The following SHOC2 variants were observed in gnomAD, a reference collection of about 807,000 sequenced individuals.
The protein encoded by SHOC2 is leucine-rich repeat protein SHOC-2.
Under a neutral mutation model 50.2 loss-of-function variants are expected in SHOC2, and 4 were observed. The observed-to-expected ratio is 0.08, with a 90% CI of 0.04 to 0.18. The LOEUF (loss-of-function observed/expected upper bound fraction) is 0.18, where lower values mean the gene tolerates loss of function less well. Among genes scored for constraint, SHOC2 ranks in the 10% least tolerant of loss-of-function variants. The pLI, the probability that SHOC2 is intolerant of heterozygous loss-of-function variation, is 1.00. For synonymous variants in SHOC2, 218 were observed against 244.5 expected (o/e 0.89, Z 1.01); for missense variants, 388 against 669.6 (o/e 0.58, Z 4.64).
At chr10:110,997,450 G>C (rs1848287873) in intron 3 of SHOC2, among the ~76,000 whole-genome samples, 1 of 152,070 alleles carries the variant, frequency 6.6e-6, no homozygotes, top group Non-Finnish European at 1.5e-5. Context: ...AATTAGTTTT[G>C]ATACATTTTC....
intron 1 of SHOC2, among the ~76,000 whole-genome samples, chr10:110,953,478 T>C (rs544363706): frequency 6.6e-6 from 1 of 152,316 alleles, no homozygotes; most frequent in South Asian, 2.1e-4. Context: ...CTTATTTCAT[T>C]TTAGCGCTGA....
intron 1 of SHOC2, among the ~76,000 whole-genome samples, chr10:110,946,081 G>T (rs1189537838): frequency 1.3e-5 from 2 of 151,872 alleles, no homozygotes; most frequent in Non-Finnish European, 2.9e-5. Context: ...CCCTGAGTAG[G>T]ATTTTTTTAA....
chr10:111,011,661 A>G lies in SHOC2; in HGVS notation c.1592A>G (p.His531Arg), dbSNP rs1848567648. 5.0e-6 allele frequency: 8 copies of G among 1,614,054 alleles called. No individual in the cohort carries two copies. Among genetic ancestry groups the G allele is most frequent in the Admixed American group, 3.3e-5 (2 of 60,004 alleles). The change falls in exon 9 of 9, where the codon CAT becomes CGT. Residue 531 changes from histidine to arginine, a missense_variant. Around this residue, in one of 5 missense-constraint regions of SHOC2, gnomAD observed 130 missense variants for 208.6 expected, o/e 0.62. Coordinates refer to ENST00000369452, the MANE Select transcript of SHOC2 (RefSeq NM_007373.4). ...ELYLNDNPNL[H>R]SLPFELALCS... ...TATTTGAATGACAACCCCAACCTGCATAGCCTTCCCTTTGAGCTGGCACTC... is the reference window on the plus strand; with the variant it reads ...TATTTGAATGACAACCCCAACCTGCGTAGCCTTCCCTTTGAGCTGGCACTC...
rs929676640 is a variant in SHOC2 at position 110,964,146 on chromosome 10, T to G, written c.-213T>G. The G allele has an allele frequency of 3.3e-6, 2 of 614,906 alleles. No individual in the cohort carries two copies. Among genetic ancestry groups the G allele is most frequent in the Non-Finnish European group, 5.5e-6 (2 of 362,578 alleles). 38.1% of individuals were successfully genotyped at this position (614,906 alleles called of 1,614,324 possible). A position where few individuals can be genotyped will look rare whatever the true frequency, so the allele number is the denominator to read the frequency against. Reference sequence around the variant, plus strand: ...TCAGGAACTCTAATGAATCATTGATTGACCAGCACTATTTTACCAGTTGGA... The same window carrying G: ...TCAGGAACTCTAATGAATCATTGATGGACCAGCACTATTTTACCAGTTGGA... On this transcript the variant is annotated 5_prime_UTR_variant, in exon 2 of 9. The change creates a new upstream start codon in the 5' untranslated region. Coordinates refer to ENST00000369452, the MANE Select transcript of SHOC2 (RefSeq NM_007373.4). The surrounding 1 kb of genome is among the most constrained non-coding windows in gnomAD (Gnocchi z 4.9).
At chr10:111,006,535 TAA>T (rs1485954665) in intron 5 of SHOC2, among the ~76,000 whole-genome samples, 2 of 151,896 alleles carry the variant, frequency 1.3e-5, no homozygotes, top group African/African-American at 4.8e-5. Context: ...TACGCCCGGC[TAA>T]TTTTTTGTAT....
chr10:110,924,673 A>AT (rs1364187215), intron 1 of SHOC2, among the ~76,000 whole-genome samples: 1 of 152,154 alleles, frequency 6.6e-6, no homozygotes. Flanking sequence ...AAAGGGAAAA[A>AT]TTTTCACCTA....
intron 3 of SHOC2, among the ~76,000 whole-genome samples, chr10:110,992,730 G>A (rs374133552): frequency 2.0e-5 from 3 of 152,246 alleles, no homozygotes; most frequent in Admixed American, 6.5e-5. Context: ...ACAGTGCAGC[G>A]TATGTATAAC....
intron 2 of SHOC2, among the ~76,000 whole-genome samples, chr10:110,971,700 TG>T (rs990732747): frequency 1.1e-4 from 16 of 152,178 alleles, no homozygotes; most frequent in African/African-American, 3.6e-4. Context: ...TTCCATTTTT[TG>T]GTCCCTTTGA....
chr10:111,010,755 G>A (rs930685420), intron 8 of SHOC2, among the ~76,000 whole-genome samples: 5 of 151,588 alleles, frequency 3.3e-5, no homozygotes, highest in African/African-American at 1.2e-4. Context: ...GTGACTTTAG[G>A]TAAGGTATGT....
intron 4 of SHOC2, among the ~76,000 whole-genome samples, chr10:111,001,983 T>C (rs531925744): frequency 2.5e-4 from 38 of 151,920 alleles, no homozygotes; most frequent in Middle Eastern, 3.4e-3. Context: ...GAGGCAGAGA[T>C]TGCAGTGAGC....
chr10:110,958,204 A>G (rs557150433), intron 1 of SHOC2, among the ~76,000 whole-genome samples: 2 of 145,290 alleles, frequency 1.4e-5, no homozygotes, highest in African/African-American at 5.0e-5. Flanking sequence ...TTTGTCTTCC[A>G]TCCATTTCTT....
At chr10:110,991,432 T>C (rs1848184430) in intron 3 of SHOC2, among the ~76,000 whole-genome samples, 1 of 152,170 alleles carries the variant, frequency 6.6e-6, no homozygotes, top group Admixed American at 6.5e-5. Flanking sequence ...TATTACAAAT[T>C]GGAAATCAAT....
intron 1 of SHOC2, among the ~76,000 whole-genome samples, chr10:110,938,815 C>T (rs992626127): frequency 1.3e-5 from 2 of 152,128 alleles, no homozygotes; most frequent in Non-Finnish European, 2.9e-5. Flanking sequence ...GTGTTGTTAA[C>T]GGTATTCCAG....
intron 1 of SHOC2, among the ~76,000 whole-genome samples, chr10:110,957,532 A>ACCC (rs149911635): frequency 5.4e-5 from 7 of 128,444 alleles, no homozygotes; most frequent in South Asian, 2.6e-4. Context: ...TCATGAAGAT[A>ACCC]CCCCCCCCCC....
intron 1 of SHOC2, among the ~76,000 whole-genome samples, chr10:110,942,276 G>A (rs1847162580): frequency 6.6e-6 from 1 of 152,174 alleles, no homozygotes; most frequent in Non-Finnish European, 1.5e-5. Context: ...GGTGGTGAAT[G>A]CATGCTTTCT....
At chr10:110,932,331 A>G (rs574724048) in intron 1 of SHOC2, among the ~76,000 whole-genome samples, 16 of 152,210 alleles carry the variant, frequency 1.1e-4, no homozygotes, top group Non-Finnish European at 1.9e-4. Flanking sequence ...TTAATTGGAC[A>G]TTAACCTGAT....
intron 4 of SHOC2, among the ~76,000 whole-genome samples, chr10:111,003,735 C>T (rs1813655654): frequency 6.6e-6 from 1 of 152,086 alleles, no homozygotes; most frequent in Admixed American, 6.6e-5. Context: ...GGGAGTGGGG[C>T]CCAAGAGTCT....
intron 1 of SHOC2, among the ~76,000 whole-genome samples, chr10:110,956,067 C>T (rs1021790600): frequency 6.6e-6 from 1 of 152,126 alleles, no homozygotes; most frequent in Non-Finnish European, 1.5e-5. Context: ...GTAGCACATG[C>T]ACCAACATAT....
At chr10:110,966,037 G>T (rs1284261199) in intron 2 of SHOC2, among the ~76,000 whole-genome samples, 2 of 151,952 alleles carry the variant, frequency 1.3e-5, no homozygotes, top group African/African-American at 4.8e-5. Context: ...GTTGCTTTCA[G>T]CATTGGTCTT....
Sources: gnomAD v4.1 joint callset for allele counts (sites outside exome capture counted in the v4.1 genomes callset) on GRCh38, gnomAD v4.1.1 for gene constraint, gnomAD v4.1.1 regional missense constraint, Gnocchi (gnomAD v3.1) non-coding constraint, MANE v1.5 for transcripts, NCBI Gene and HGNC (gene_info 2026-07-23, HGNC 2026-07-21) for gene names.